Variants in TATDN1 observed in about 807,000 individuals in gnomAD.
The protein encoded by TATDN1 is deoxyribonuclease TATDN1.
A neutral mutation model predicts 46.4 loss-of-function variants in TATDN1; 40 were observed. That is an observed-to-expected ratio of 0.86 (90% CI 0.67 to 1.12). The LOEUF is 1.12. Ranked by LOEUF, TATDN1 falls within the 50% of genes most tolerant of loss-of-function variation. The probability of loss-of-function intolerance (pLI) is 0.00; values close to 1 mark genes in which losing one functional copy is unlikely to be tolerated. For synonymous variants in TATDN1, 95 were observed against 105.6 expected (o/e 0.90, Z 0.62); for missense variants, 326 against 348.4 (o/e 0.94, Z 0.51).
intron 1 of TATDN1, among the ~76,000 whole-genome samples, chr8:124,535,980 C>A (rs764650511): frequency 4.6e-5 from 7 of 152,178 alleles, no homozygotes; most frequent in Non-Finnish European, 1.0e-4. Flanking sequence ...CATTGGAGAG[C>A]AAATTTTAAC....
chr8:124,508,362 A>G, intron 8 of TATDN1, 112 bp downstream of exon 8: 1 of 830,760 alleles, frequency 1.2e-6, no homozygotes, highest in Non-Finnish European at 1.9e-6. Context: ...TCATTATCTC[A>G]TGCCAGTGCT....
chr8:124,525,260 C>A (rs928903372), intron 1 of TATDN1, among the ~76,000 whole-genome samples: 1 of 152,184 alleles, frequency 6.6e-6, no homozygotes, highest in Admixed American at 6.5e-5. Context: ...ATTCTCCTGT[C>A]TCAGCCTCCC....
chr8:124,525,042 A>C (rs1820365557), intron 1 of TATDN1, among the ~76,000 whole-genome samples: 1 of 152,178 alleles, frequency 6.6e-6, no homozygotes, highest in African/African-American at 2.4e-5. Flanking sequence ...AAGTCCCTTG[A>C]CCCAAGTGCA....
At position 124,522,957 on chromosome 8, in the gene TATDN1, C is replaced by G; in HGVS notation, c.68G>C (p.Arg23Thr). The stretch of plus-strand genomic sequence containing the variant: ...TTTACCTTGATGCTTTTGAACCCCC[C>G]TATAAATTCCTCTGAACATAGGGTC... The part of the protein sequence containing the change: ...LTDPMFRGIY[R>T]GVQKHQDDLQ... The change falls in exon 2 of 12, where the codon AGG (arginine) becomes ACG (threonine). Residue 23 changes from arginine to threonine, a missense_variant. By Grantham distance (71) the Arg-to-Thr change is moderately conservative (BLOSUM62 -1). Coordinates refer to ENST00000276692, the MANE Select transcript of TATDN1 (RefSeq NM_032026.4). The G allele has an allele frequency of 6.2e-7, 1 of 1,613,324 alleles. No individual in the cohort carries two copies. The highest frequency in any genetic ancestry group is 8.5e-7 in the Non-Finnish European group (1 of 1,179,672).
At chr8:124,533,563 T>C (rs1821158170) in intron 1 of TATDN1, among the ~76,000 whole-genome samples, 1 of 152,076 alleles carries the variant, frequency 6.6e-6, no homozygotes, top group African/African-American at 2.4e-5. Context: ...CTGGTCCCAA[T>C]GTCAGGCAGT....
chr8:124,515,485 A>C (rs1326415625), intron 6 of TATDN1, among the ~76,000 whole-genome samples: 1 of 152,196 alleles, frequency 6.6e-6, no homozygotes, highest in Non-Finnish European at 1.5e-5. Context: ...AAAATGTAAA[A>C]TCTCTATCAT....
At chr8:124,508,846 G>A (rs1818750282) in intron 6 of TATDN1, among the ~76,000 whole-genome samples, 158 bp from the exon 7 acceptor site, 1 of 152,102 alleles carries the variant, frequency 6.6e-6, no homozygotes, top group Admixed American at 6.6e-5. Flanking sequence ...CTTATCAAAG[G>A]GCTTTTATAA....
Position 124,509,462 on chromosome 8 carries a change from A to G in TATDN1, c.390-774T>C, listed in dbSNP as rs577660753. 3.9e-4 allele frequency among the ~76,000 whole-genome samples: 59 copies of G among 152,294 alleles called. 1 individual carries two copies. In the South Asian group the frequency reaches 0.011, roughly 29 times the overall value. ...ATGACAATATTCAGAGGATACAACG[A>G]ATGTTCATTCTGTTTGTCTTTTCAC... On this transcript the variant is annotated intron_variant, in intron 6 of 11. Coordinates refer to ENST00000276692, the MANE Select transcript of TATDN1 (RefSeq NM_032026.4).
At chr8:124,531,794 G>A (rs747493671) in intron 1 of TATDN1, among the ~76,000 whole-genome samples, 3 of 152,152 alleles carry the variant, frequency 2.0e-5, no homozygotes, top group Non-Finnish European at 4.4e-5. Context: ...TTACATAGCG[G>A]TGGGGCAAGA....
intron 9 of TATDN1, among the ~76,000 whole-genome samples, chr8:124,499,425 T>C (rs1221414615): frequency 6.6e-6 from 1 of 152,204 alleles, no homozygotes; most frequent in Non-Finnish European, 1.5e-5. Context: ...ACTGTAAAAT[T>C]TGCCCAAATA....
intron 10 of TATDN1, 25 bp from the exon 11 acceptor site, chr8:124,493,984 G>A (rs766649707): frequency 5.1e-6 from 8 of 1,575,994 alleles, no homozygotes; most frequent in African/African-American, 1.4e-5. Flanking sequence ...AAAGTGTCTC[G>A]TAAGGGGTTT....
intron 3 of TATDN1, among the ~76,000 whole-genome samples, chr8:124,519,871 T>C (rs1056411262): frequency 2.6e-5 from 4 of 152,170 alleles, no homozygotes; most frequent in Admixed American, 6.5e-5. Context: ...GTGTTGATAG[T>C]GAGAGCACTG....
chr8:124,496,478 A>G (rs1374731952), intron 9 of TATDN1, among the ~76,000 whole-genome samples: 2 of 152,166 alleles, frequency 1.3e-5, no homozygotes, highest in African/African-American at 2.4e-5. Context: ...TTAAAAATCT[A>G]TGGTCCGCCT....
chr8:124,508,392 G>A, intron 8 of TATDN1, 82 bp downstream of exon 8: 2 of 1,191,538 alleles, frequency 1.7e-6, no homozygotes, highest in Non-Finnish European at 2.4e-6. Context: ...TCAGATTTTG[G>A]AGCATTTTGT....
chr8:124,534,148 A>AAAAAAAAAAC, intron 1 of TATDN1, among the ~76,000 whole-genome samples: 2 of 76,424 alleles, frequency 2.6e-5, no homozygotes, highest in African/African-American at 3.7e-5. Context: ...TCCGTCTCAA[A>AAAAAAAAAAC]AAAAAAAAAA....
At chr8:124,520,475 C>G (rs1382252463) in intron 3 of TATDN1, among the ~76,000 whole-genome samples, 1 of 151,384 alleles carries the variant, frequency 6.6e-6, no homozygotes, top group Non-Finnish European at 1.5e-5. Context: ...ATTGGGAAAA[C>G]TTTCTTGTTA....
rs972988897 is a variant in TATDN1 at position 124,497,996 on chromosome 8, T to G, written c.594-2454A>C. On this transcript the variant is annotated intron_variant, in intron 9 of 11. Transcript: ENST00000276692. ...TCTTTAAGGAGCTCTTATTCTTTTA[T>G]GTTCTTTTAGCATTCTGTTCATATT... 3.9e-5 allele frequency among the ~76,000 whole-genome samples: 6 copies of G among 152,264 alleles called. 1 individual carries two copies. Among genetic ancestry groups the G allele is most frequent in the Non-Finnish European group, 8.8e-5 (6 of 68,044 alleles).
intron 10 of TATDN1, 184 bp from the exon 11 acceptor site, chr8:124,494,143 C>G (rs778599912): frequency 4.3e-6 from 2 of 468,920 alleles, no homozygotes; most frequent in Non-Finnish European, 7.2e-6. Context: ...ATCTTAAATA[C>G]CTTCTAAGAC....
intron 4 of TATDN1, among the ~76,000 whole-genome samples, chr8:124,518,393 G>A (rs559202108): frequency 2.4e-4 from 34 of 141,874 alleles, no homozygotes; most frequent in East Asian, 4.4e-4. Flanking sequence ...GCGTGGTGGC[G>A]GGCGCCTGTA....
Sources: allele counts gnomAD v4.1 joint callset (sites outside exome capture counted in the v4.1 genomes callset), GRCh38; gene constraint gnomAD v4.1.1; transcripts MANE v1.5; gene names NCBI Gene and HGNC (gene_info 2026-07-23, HGNC 2026-07-21).